Variants in BCAS3 observed in about 807,000 individuals in gnomAD.
BCAS3 encodes the protein BCAS3 microtubule associated cell migration factor, also known as BCAS4/BCAS3 fusion.
Under a neutral mutation model 116.1 loss-of-function variants are expected in BCAS3, and 53 were observed. The observed-to-expected ratio is 0.46, with a 90% CI of 0.37 to 0.57. The LOEUF (loss-of-function observed/expected upper bound fraction) is 0.57. BCAS3 is among the 20% of genes least tolerant of loss of function. The probability of loss-of-function intolerance (pLI) is 0.00; values close to 1 mark genes in which losing one functional copy is unlikely to be tolerated. For missense variants in BCAS3, 917 were observed against 1,165.4 expected, an observed-to-expected ratio of 0.79 and a Z score of 3.10; for synonymous variants, 391 against 408.2, an observed-to-expected ratio of 0.96 and a Z score of 0.51.
chr17:60,763,434 T>C (rs2043752134), intron 6 of BCAS3, among the ~76,000 whole-genome samples: 1 of 152,236 alleles, frequency 6.6e-6, no homozygotes, highest in Admixed American at 6.5e-5. Flanking sequence ...GAAGGCCTTT[T>C]CTGCATCTAT....
chr17:60,870,601 T>C (rs760092131), intron 8 of BCAS3, among the ~76,000 whole-genome samples: 1 of 152,186 alleles, frequency 6.6e-6, no homozygotes, highest in Non-Finnish European at 1.5e-5. Flanking sequence ...CACTTATCGC[T>C]CCTCCATTGT....
rs8082233 is a variant in BCAS3 at position 61,171,185 on chromosome 17, C to G, written c.2425+86621C>G. On this transcript the variant is annotated intron_variant, in intron 22 of 23. Coordinates refer to ENST00000407086, the MANE Select transcript of BCAS3 (RefSeq NM_017679.5). This position sits in a 1 kb window ranked among gnomAD's most constrained non-coding sequence, Gnocchi z 4.1. ...AGAAAAATGTTGTAAGGTTCTTACA[C>G]TGTACATGAAGTGATATAATACATC... Among the ~76,000 whole-genome samples the G allele has an allele frequency of 0.66, 100,578 of 152,088 alleles. 36,252 individuals are homozygous for G. Among genetic ancestry groups the G allele is most frequent in the South Asian group, 0.85 (4,096 of 4,822 alleles).
chr17:60,895,437 G>C (rs1024804774), intron 10 of BCAS3, among the ~76,000 whole-genome samples: 3 of 151,810 alleles, frequency 2.0e-5, no homozygotes, highest in Non-Finnish European at 4.4e-5. Flanking sequence ...GTTTATCTGG[G>C]TCTTTCCTTT....
chr17:61,292,466 A>G (rs1049988928), intron 22 of BCAS3, among the ~76,000 whole-genome samples: 8 of 152,116 alleles, frequency 5.3e-5, no homozygotes, highest in African/African-American at 1.9e-4. Flanking sequence ...AGCCTGGGCA[A>G]TGTGGCAAAA....
chr17:60,832,373 G>T (rs1395437191), intron 7 of BCAS3, among the ~76,000 whole-genome samples: 1 of 152,170 alleles, frequency 6.6e-6, no homozygotes, highest in Non-Finnish European at 1.5e-5. Flanking sequence ...CTCTGATGTG[G>T]CAAACGTTTG....
rs1458089497 is a variant in BCAS3 at position 61,339,642 on chromosome 17, T to A, written c.2426-28685T>A. On this transcript the variant is annotated intron_variant, in intron 22 of 23. Coordinates refer to ENST00000407086, the MANE Select transcript of BCAS3 (RefSeq NM_017679.5). The surrounding 1 kb of genome is among the most constrained non-coding windows in gnomAD (Gnocchi z 4.4). ...TTAGCCGGGCGTGGTGGTGCCCATCTGTAATCCCAGCTACTCGGGAGGCTG... is the reference window on the plus strand; with the variant it reads ...TTAGCCGGGCGTGGTGGTGCCCATCAGTAATCCCAGCTACTCGGGAGGCTG... Among the ~76,000 whole-genome samples the A allele has an allele frequency of 6.6e-6, 1 of 152,004 alleles. No individual in the cohort carries two copies.
At chr17:60,887,464 C>T (rs1404674182) in intron 9 of BCAS3, 2 of 152,792 alleles carry the variant, frequency 1.3e-5, no homozygotes. Flanking sequence ...ATTCGGCCAT[C>T]TTGGCTCCTC....
intron 8 of BCAS3, among the ~76,000 whole-genome samples, chr17:60,869,135 A>T (rs1320928361): frequency 6.6e-6 from 1 of 152,222 alleles, no homozygotes; most frequent in Non-Finnish European, 1.5e-5. Flanking sequence ...ATTCCTTCAC[A>T]CTTCACAGTG....
intron 14 of BCAS3, among the ~76,000 whole-genome samples, chr17:60,957,414 T>G (rs2061190831): frequency 6.6e-6 from 1 of 152,204 alleles, no homozygotes; most frequent in Admixed American, 6.5e-5. Flanking sequence ...TTACTAATAT[T>G]CAAGTTTAAC....
chr17:61,164,480 C>T (rs975384415), intron 22 of BCAS3, among the ~76,000 whole-genome samples: 2 of 152,058 alleles, frequency 1.3e-5, no homozygotes, highest in South Asian at 2.1e-4. Flanking sequence ...CATACTGAGA[C>T]CCCATCCCTA....
At position 61,307,962 on chromosome 17, in the gene BCAS3, A is replaced by G. The variant is rs1326577593; in HGVS notation, c.2426-60365A>G. On this transcript the variant is annotated intron_variant, in intron 22 of 23. Coordinates refer to ENST00000407086, the MANE Select transcript of BCAS3 (RefSeq NM_017679.5). The surrounding 1 kb of genome is among the most constrained non-coding windows in gnomAD (Gnocchi z 4.7). ...GAGACTCAAGATTTTCCAAGCACTCATTAAATTGAGCAGAGAAGTAATCTA... is the reference window on the plus strand; with the variant it reads ...GAGACTCAAGATTTTCCAAGCACTCGTTAAATTGAGCAGAGAAGTAATCTA... Among the ~76,000 whole-genome samples the G allele has an allele frequency of 6.6e-6, 1 of 152,216 alleles. No homozygotes were observed. The highest frequency in any genetic ancestry group is 2.4e-5 in the African/African-American group (1 of 41,452).
In BCAS3 at chr17:61,040,879, C is replaced by T. The variant is rs781630702; in HGVS notation, c.2016C>T (p.Phe672=). The T allele has an allele frequency of 2.5e-6, 4 of 1,613,812 alleles. No individual in the cohort carries two copies. Among genetic ancestry groups the T allele is most frequent in the Non-Finnish European group, 3.4e-6 (4 of 1,179,810 alleles). ...LAADAVQYYQ[F]LLAGLVPPGS... is the part of the protein sequence containing the mutation. Reference sequence around the variant, plus strand: ...CAGATGCAGTACAGTATTATCAGTTCCTGCTTGCTGGCCGTAAGTAGTTCA... The same window carrying T: ...CAGATGCAGTACAGTATTATCAGTTTCTGCTTGCTGGCCGTAAGTAGTTCA... The change falls in exon 19 of 24, where the codon TTC becomes TTT. Residue 672 remains phenylalanine (F), a synonymous_variant. Coordinates refer to ENST00000407086, the MANE Select transcript of BCAS3 (RefSeq NM_017679.5).
At chr17:61,342,656 T>C (rs2057246619) in intron 22 of BCAS3, among the ~76,000 whole-genome samples, 2 of 152,212 alleles carry the variant, frequency 1.3e-5, no homozygotes, top group South Asian at 4.2e-4. Flanking sequence ...CCTGTTACAG[T>C]CCTGGGCAGA....
chr17:60,689,791 GAATT>G, intron 4 of BCAS3, 30 bp downstream of exon 4: 1 of 1,471,554 alleles, frequency 6.8e-7, no homozygotes. Context: ...TGGGACGTGT[GAATT>G]AATTGTTTGT....
chr17:61,213,518 A>C lies in BCAS3; in HGVS notation c.2425+128954A>C, dbSNP rs1201032369. ...AGTAAGGCATGAAAAGAGTCTTATT[A>C]TTTGTTTAGTTGACAGGAAATTTAA... On this transcript the variant is annotated intron_variant, in intron 22 of 23. Transcript: ENST00000407086. The surrounding 1 kb of genome is among the most constrained non-coding windows in gnomAD (Gnocchi z 5.4). 6.6e-6 allele frequency among the ~76,000 whole-genome samples: 1 copy of C among 151,950 alleles called. No individual in the cohort carries two copies. The highest frequency in any genetic ancestry group is 1.5e-5 in the Non-Finnish European group (1 of 68,002).
chr17:60,984,819 G>A (rs1234875565), intron 14 of BCAS3, among the ~76,000 whole-genome samples: 1 of 151,878 alleles, frequency 6.6e-6, no homozygotes, highest in African/African-American at 2.4e-5. Context: ...AGACCAGCCT[G>A]GCCAAGATGG....
Position 60,990,062 on chromosome 17 carries a change from G to T in BCAS3, c.1313G>T (p.Gly438Val), listed in dbSNP as rs1054063370. The change falls in exon 15 of 24, where the codon GGT becomes GTT. Residue 438 changes from glycine (G) to valine (V), a missense_variant. Coordinates refer to ENST00000407086, the MANE Select transcript of BCAS3 (RefSeq NM_017679.5). This position sits in a 1 kb window ranked among gnomAD's most constrained non-coding sequence, Gnocchi z 5.1. ...CACGTTTTCCCCATCAACCCTTATG[G>T]TGGCCAGCCTTGTGTTCGTACACAT... is the stretch of plus-strand genomic sequence containing the variant. ...TSHVFPINPY[G>V]GQPCVRTHMS... is the part of the protein sequence containing the mutation. 1 of 1,613,982 alleles carries T rather than the reference G, an allele frequency of 6.2e-7. No individual in the cohort carries two copies. The highest frequency in any genetic ancestry group is 1.3e-5 in the African/African-American group (1 of 74,884).
intron 19 of BCAS3, among the ~76,000 whole-genome samples, chr17:61,067,273 G>GTGTGTGTGTATATATATA (rs1251223420): frequency 1.7e-5 from 1 of 58,796 alleles, no homozygotes; most frequent in African/African-American, 8.6e-5. Context: ...GTGTGTATGT[G>GTGTGTGTGTATATATATA]TATATATATA....
intron 6 of BCAS3, among the ~76,000 whole-genome samples, chr17:60,795,809 C>A (rs2047164618): frequency 1.3e-5 from 2 of 152,146 alleles, no homozygotes. Context: ...TGTGCCTCAG[C>A]CTCCTGAGTA....
Sources: allele counts gnomAD v4.1 joint callset (sites outside exome capture counted in the v4.1 genomes callset), GRCh38; gene constraint gnomAD v4.1.1; non-coding constraint Gnocchi (gnomAD v3.1); transcripts MANE v1.5; gene names NCBI Gene and HGNC (gene_info 2026-07-23, HGNC 2026-07-21).